The following SLC46A3 variants were observed in gnomAD, a reference collection of about 807,000 sequenced individuals.
SLC46A3 encodes the protein solute carrier family 46 member 3.
SLC46A3 carries 26 observed loss-of-function variants against 38.5 expected under a neutral mutation model. That is an observed-to-expected ratio of 0.68 (90% CI 0.49 to 0.94). The LOEUF is 0.94. Ranked by LOEUF, SLC46A3 falls within the 40% of genes least tolerant of loss-of-function variation. The pLI is 0.00. For missense variants in SLC46A3, 510 were observed against 544.3 expected, an observed-to-expected ratio of 0.94 and a Z score of 0.63; for synonymous variants, 185 against 192.5, an observed-to-expected ratio of 0.96 and a Z score of 0.32.
intron 4 of SLC46A3, among the ~76,000 whole-genome samples, chr13:28,709,885 G>A (rs140657043): frequency 8.7e-4 from 133 of 152,234 alleles, no homozygotes; most frequent in African/African-American, 3.1e-3. Context: ...GTGGGGCCCC[G>A]TTTTCTGCCA....
intron 4 of SLC46A3, among the ~76,000 whole-genome samples, chr13:28,708,753 G>A (rs370605900): frequency 2.2e-4 from 33 of 151,626 alleles, no homozygotes; most frequent in African/African-American, 6.3e-4. Context: ...GAGCCACTGC[G>A]CCTGGCCTCA....
chr13:28,701,257 A>G lies in SLC46A3; in HGVS notation c.*240T>C, dbSNP rs914693390. On this transcript the variant is annotated 3_prime_UTR_variant, in exon 6 of 6. Coordinates refer to ENST00000266943, the MANE Select transcript of SLC46A3 (RefSeq NM_181785.4). ...TCTTCTAAGTCTAAAAGTGAGGCGT[A>G]TTTGAAATTTGTTCTGTGTATTGCA... The G allele has an allele frequency of 9.3e-6, 13 of 1,394,044 alleles. No homozygotes were observed. The South Asian group carries it at 2.1e-4, about 23-fold the overall frequency. The allele number at this position is 1,394,044 out of a possible 1,614,324, so 86.4% of individuals were successfully genotyped here.
At chr13:28,707,565 A>T (rs954551468) in intron 4 of SLC46A3, among the ~76,000 whole-genome samples, 7 of 152,280 alleles carry the variant, frequency 4.6e-5, no homozygotes, top group Non-Finnish European at 7.3e-5. Flanking sequence ...AATAAAAAAA[A>T]TTTTAAAAAG....
In SLC46A3 at chr13:28,713,397, T is replaced by C; in HGVS notation, c.343A>G (p.Ser115Gly). ...TAGCAAAGCAAACAGAGCCAAACGC[T>C]GGTTGCAAGAGCACCAACGGAAGAC... ...ILSSVGALAT[S>G]VWLCLLCYFA... Residue 115 changes from serine to glycine, a missense_variant, in exon 3 of 6, where the codon AGC (serine) becomes GGC (glycine). Physicochemically the swap from Ser to Gly is moderately conservative, Grantham distance 56. Transcript: ENST00000266943. 3 of 1,614,072 alleles carry C rather than the reference T, an allele frequency of 1.9e-6. No homozygotes were observed. Among genetic ancestry groups the C allele is most frequent in the Non-Finnish European group, 2.5e-6 (3 of 1,180,022 alleles).
chr13:28,712,618 T>C lies in SLC46A3; in HGVS notation c.1060+62A>G, dbSNP rs1220320076. 3 of 1,457,092 alleles carry C rather than the reference T, an allele frequency of 2.1e-6. No individual in the cohort carries two copies. In the African/African-American group the frequency reaches 4.3e-5, roughly 21 times the overall value. 90.3% of individuals were successfully genotyped at this position (1,457,092 alleles called of 1,614,324 possible). ...GATTAAAGTTTCTCCCCCAGTAGAC[T>C]AAATTCATTTTATATGAATATCAAA... On this transcript the variant is annotated intron_variant, in intron 3 of 5. Transcript: ENST00000266943.
chr13:28,718,140 C>T, intron 1 of SLC46A3, 118 bp from the exon 2 acceptor site: 1 of 733,768 alleles, frequency 1.4e-6, no homozygotes, highest in South Asian at 1.9e-5. Flanking sequence ...AACTAGAGAA[C>T]AGAAAAGGCA....
At chr13:28,702,075 T>C (rs953454638) in intron 5 of SLC46A3, among the ~76,000 whole-genome samples, 2 of 152,214 alleles carry the variant, frequency 1.3e-5, no homozygotes, top group Non-Finnish European at 2.9e-5. Context: ...AGACTAAAAT[T>C]AGAATTACCT....
Position 28,713,521 on chromosome 13 carries a change from A to G in SLC46A3, c.219T>C (p.Asn73=). The G allele has an allele frequency of 6.2e-7, 1 of 1,604,822 alleles. No homozygotes were observed. Among genetic ancestry groups the G allele is most frequent in the Non-Finnish European group, 8.5e-7 (1 of 1,173,334 alleles). ...EEVQKKVSRF[N]LQMDISGLIP... ...TTAATCCACTTATGTCCATCTGCAG[A>G]TTAAAACGTGACACTTTTTTCTGAA... Residue 73 remains asparagine, a synonymous_variant, in exon 3 of 6, where the codon AAT becomes AAC. Coordinates refer to ENST00000266943, the MANE Select transcript of SLC46A3 (RefSeq NM_181785.4).
chr13:28,708,614 CTT>C (rs71190788), intron 4 of SLC46A3, among the ~76,000 whole-genome samples: 1 of 128,248 alleles, frequency 7.8e-6, no homozygotes. Flanking sequence ...TTTTTCTTTT[CTT>C]TTTTTTTTTT....
chr13:28,713,232 C>T lies in SLC46A3; in HGVS notation c.508G>A (p.Ala170Thr). 1 of 1,613,986 alleles carries T rather than the reference C, an allele frequency of 6.2e-7. No individual in the cohort carries two copies. Among genetic ancestry groups the T allele is most frequent in the East Asian group, 2.2e-5 (1 of 44,886 alleles). ...AGTCCAAGTAGAAAGTCAATGATAG[C>T]TATTCGAATTGTTTTTTGTTTGTGT... The part of the protein sequence containing the change: ...KEHKQKTIRI[A>T]IIDFLLGLVT... Residue 170 changes from alanine to threonine, a missense_variant, in exon 3 of 6, where the codon GCT becomes ACT. Ala to Thr is a moderately conservative substitution (Grantham distance 58). Transcript: ENST00000266943.
chr13:28,717,829 G>A lies in SLC46A3; in HGVS notation c.170C>T (p.Pro57Leu), dbSNP rs752019275. Residue 57 changes from proline to leucine, a missense_variant, in exon 2 of 6, where the codon CCA becomes CTA. Pro to Leu is a moderately conservative substitution (Grantham distance 98). Transcript: ENST00000266943. Reference sequence around the variant, plus strand: ...TCTTACCTCCTGGAATGCAAAAATTGGGCTGCTTTTGTTTTTTTCACACTC... The same window carrying A: ...TCTTACCTCCTGGAATGCAAAAATTAGGCTGCTTTTGTTTTTTTCACACTC... ...ISECEKNKSS[P>L]IFAFQEEVQK... 2.5e-6 allele frequency: 4 copies of A among 1,613,090 alleles called. No individual in the cohort carries two copies. In the East Asian group the frequency reaches 8.9e-5, roughly 36 times the overall value.
chr13:28,700,571 T>C lies in SLC46A3; in HGVS notation c.*926A>G, dbSNP rs925843881. On this transcript the variant is annotated 3_prime_UTR_variant, in exon 6 of 6. Transcript: ENST00000266943. ...AGCAGTATTTATAATTGAACAAGGA[T>C]AGACAACAGCTGGGTAAGAAAGACT... The C allele has an allele frequency of 1.1e-5, 2 of 187,202 alleles. No homozygotes were observed. The highest frequency in any genetic ancestry group is 4.7e-5 in the African/African-American group (2 of 42,722). The allele number at this position is 187,202 out of a possible 1,614,324, so 11.6% of individuals were successfully genotyped here.
At chr13:28,718,203 C>A (rs1885588185) in intron 1 of SLC46A3, among the ~76,000 whole-genome samples, 181 bp from the exon 2 acceptor site, 1 of 152,180 alleles carries the variant, frequency 6.6e-6, no homozygotes, top group Non-Finnish European at 1.5e-5. Flanking sequence ...TACTCTGTAA[C>A]AACCTGAGGC....
intron 2 of SLC46A3, 34 bp from the exon 3 acceptor site, chr13:28,713,584 C>T (rs1425772710): frequency 6.4e-7 from 1 of 1,563,822 alleles, no homozygotes; most frequent in Non-Finnish European, 8.7e-7. Context: ...AATGTGTTTA[C>T]AGTAGTTAAC....
chr13:28,713,932 A>G (rs191199082), intron 2 of SLC46A3, among the ~76,000 whole-genome samples: 179 of 152,336 alleles, frequency 1.2e-3, no homozygotes, highest in African/African-American at 4.1e-3. Flanking sequence ...AAATTTGTGC[A>G]TAAAACAGTT....
chr13:28,717,442 C>T (rs1257061165), intron 2 of SLC46A3, among the ~76,000 whole-genome samples: 1 of 150,572 alleles, frequency 6.6e-6, no homozygotes, highest in Non-Finnish European at 1.5e-5. Context: ...CACCCCTGTC[C>T]ACCAAGTAGC....
Position 28,701,225 on chromosome 13 carries a change from A to C in SLC46A3, c.*272T>G. On this transcript the variant is annotated 3_prime_UTR_variant, in exon 6 of 6. Coordinates refer to ENST00000266943, the MANE Select transcript of SLC46A3 (RefSeq NM_181785.4). ...TCCCTCCTTACACCCTTAAGTTTTA[A>C]TGTTTCTCTTCTAAGTCTAAAAGTG... The C allele has an allele frequency of 7.2e-7, 1 of 1,390,290 alleles. No individual in the cohort carries two copies. Among genetic ancestry groups the C allele is most frequent in the Non-Finnish European group, 9.3e-7 (1 of 1,074,982 alleles). 86.1% of individuals were successfully genotyped at this position (1,390,290 alleles called of 1,614,324 possible). A position where few individuals can be genotyped will look rare whatever the true frequency, so the allele number is the denominator to read the frequency against.
intron 4 of SLC46A3, among the ~76,000 whole-genome samples, chr13:28,709,721 C>T (rs930968992): frequency 2.0e-5 from 3 of 152,176 alleles, no homozygotes; most frequent in Admixed American, 6.5e-5. Flanking sequence ...TCTTGCTGGC[C>T]CGAGTTCCTG....
chr13:28,714,316 G>T (rs1263213866), intron 2 of SLC46A3, among the ~76,000 whole-genome samples: 1 of 151,998 alleles, frequency 6.6e-6, no homozygotes, highest in Non-Finnish European at 1.5e-5. Context: ...TCTACAGATG[G>T]TAGCATACCG....
Sources: allele counts gnomAD v4.1 joint callset (sites outside exome capture counted in the v4.1 genomes callset), GRCh38; gene constraint gnomAD v4.1.1; transcripts MANE v1.5; gene names NCBI Gene and HGNC (gene_info 2026-07-23, HGNC 2026-07-21).